SDK1: variants seen among roughly 807,000 people sequenced by gnomAD.
The protein encoded by SDK1 is protein sidekick-1.
In SDK1, 157 loss-of-function variants were observed where a neutral mutation model predicts 245.5. The observed-to-expected ratio is 0.64, with a 90% CI of 0.56 to 0.73. The LOEUF is 0.73. Among genes scored for constraint, SDK1 ranks in the 30% least tolerant of loss-of-function variants. The probability of loss-of-function intolerance (pLI) is 0.00; values close to 1 mark genes in which losing one functional copy is unlikely to be tolerated. For missense variants in SDK1, 3,583 were observed against 3,002.3 expected (o/e 1.19, Z -4.52); for synonymous variants, 1,647 against 1,278.5 (o/e 1.29, Z -6.15).
chr7:3,699,454 C>T (rs1784677886), intron 4 of SDK1, among the ~76,000 whole-genome samples: 1 of 152,106 alleles, frequency 6.6e-6, no homozygotes, highest in African/African-American at 2.4e-5. Flanking sequence ...TAATAGAGTA[C>T]TGAATGGAAA....
chr7:3,378,633 C>G (rs963194373), intron 1 of SDK1, among the ~76,000 whole-genome samples: 2 of 152,016 alleles, frequency 1.3e-5, no homozygotes, highest in Non-Finnish European at 2.9e-5. Flanking sequence ...CTCTTTCATG[C>G]TGTTTGTTTA....
chr7:3,617,705 C>G (rs967528333), intron 1 of SDK1, among the ~76,000 whole-genome samples: 3 of 152,146 alleles, frequency 2.0e-5, no homozygotes, highest in African/African-American at 7.2e-5. Context: ...CCAACTTACC[C>G]TTTTTATTAG....
intron 5 of SDK1, among the ~76,000 whole-genome samples, chr7:3,900,447 T>G (rs1240629718): frequency 6.6e-6 from 1 of 152,206 alleles, no homozygotes; most frequent in Non-Finnish European, 1.5e-5. Flanking sequence ...TTTTTCCTGT[T>G]TGGTGCTGAT....
At chr7:4,253,388 A>C (rs1196104622) in intron 44 of SDK1, among the ~76,000 whole-genome samples, 2 of 152,088 alleles carry the variant, frequency 1.3e-5, no homozygotes, top group African/African-American at 4.8e-5. Flanking sequence ...CTTCTTTGAC[A>C]CATTCGTTAT....
At chr7:4,077,581 A>G (rs1780775480) in intron 21 of SDK1, among the ~76,000 whole-genome samples, 2 of 152,210 alleles carry the variant, frequency 1.3e-5, no homozygotes, top group African/African-American at 2.4e-5. Context: ...TACAAAAGAA[A>G]CAGGTTTAAT....
intron 1 of SDK1, among the ~76,000 whole-genome samples, chr7:3,601,342 G>A (rs1387343301): frequency 6.6e-6 from 1 of 151,950 alleles, no homozygotes; most frequent in Non-Finnish European, 1.5e-5. Context: ...AAATCAACTG[G>A]GTCTGGAGAA....
intron 4 of SDK1, among the ~76,000 whole-genome samples, chr7:3,657,247 G>T (rs962556820): frequency 6.6e-6 from 1 of 152,190 alleles, no homozygotes; most frequent in Non-Finnish European, 1.5e-5. Context: ...GATCAAGGCA[G>T]TCGTACAAAG....
chr7:3,982,537 G>T (rs1783492084), intron 13 of SDK1, among the ~76,000 whole-genome samples: 1 of 152,216 alleles, frequency 6.6e-6, no homozygotes, highest in South Asian at 2.1e-4. Flanking sequence ...CACCATTCTA[G>T]ATACCATTAA....
rs2128207897 is a variant in SDK1, at chr7:4,149,272, A to AC, written c.4440dup (p.Arg1481GlnfsTer43). On this transcript the variant is annotated frameshift_variant, in exon 30 of 45. Transcript: ENST00000404826. LOFTEE classifies it high-confidence loss of function. ...CTCATTTGGTTGCAGAGCGGCCGGC[A>AC]CCCCCCAGAGAGCTCCTGGTGCCCC... is the stretch of plus-strand genomic sequence containing the variant. 2 of 1,525,762 alleles carry AC rather than the reference A, an allele frequency of 1.3e-6. No individual in the cohort carries two copies. Among genetic ancestry groups the AC allele is most frequent in the Middle Eastern group, 2.0e-4 (1 of 5,026 alleles). 94.5% of individuals were successfully genotyped at this position (1,525,762 alleles called of 1,614,324 possible).
At chr7:4,112,651 A>G (rs1475246242) in intron 23 of SDK1, among the ~76,000 whole-genome samples, 3 of 152,192 alleles carry the variant, frequency 2.0e-5, no homozygotes, top group Admixed American at 6.5e-5. Flanking sequence ...CACCCAATCC[A>G]TCCAACTAGA....
At chr7:4,169,296 A>C (rs1456612968) in intron 32 of SDK1, among the ~76,000 whole-genome samples, 1 of 152,062 alleles carries the variant, frequency 6.6e-6, no homozygotes, top group African/African-American at 2.4e-5. Flanking sequence ...GTGGGGAATG[A>C]CCCGGCACTT....
chr7:3,943,745 T>C (rs1448526287), intron 5 of SDK1, among the ~76,000 whole-genome samples: 1 of 152,156 alleles, frequency 6.6e-6, no homozygotes, highest in Non-Finnish European at 1.5e-5. Context: ...CTTGATATTC[T>C]TTAAATGTAC....
intron 1 of SDK1, among the ~76,000 whole-genome samples, chr7:3,325,780 C>T (rs1779926116): frequency 1.3e-5 from 2 of 152,236 alleles, no homozygotes; most frequent in South Asian, 4.1e-4. Flanking sequence ...ATCCTCAGTT[C>T]TGTTGAATTT....
Position 4,130,026 on chromosome 7 carries a change from T to G in SDK1, c.4058T>G (p.Val1353Gly). Residue 1353 changes from valine to glycine, a missense_variant, in exon 27 of 45, where the codon GTG becomes GGG. Coordinates refer to ENST00000404826, the MANE Select transcript of SDK1 (RefSeq NM_152744.4). Reference sequence around the variant, plus strand: ...AAGTTCGTGCTCTACGAGCTCCAGGTGCTGGCGTTCACCCGCATCGGGAAC... The same window carrying G: ...AAGTTCGTGCTCTACGAGCTCCAGGGGCTGGCGTTCACCCGCATCGGGAAC... ...LRKFVLYELQ[V>G]LAFTRIGNGV... 1 of 1,613,462 alleles carries G rather than the reference T, an allele frequency of 6.2e-7. No individual in the cohort carries two copies. The highest frequency in any genetic ancestry group is 1.1e-5 in the South Asian group (1 of 91,050).
At chr7:3,395,678 G>C (rs1434460899) in intron 1 of SDK1, among the ~76,000 whole-genome samples, 1 of 151,908 alleles carries the variant, frequency 6.6e-6, no homozygotes, top group Non-Finnish European at 1.5e-5. Flanking sequence ...TGTACTTGCT[G>C]TAGATGTATT....
Position 3,828,830 on chromosome 7 carries a change from C to CT in SDK1, c.847+7256dup, listed in dbSNP as rs549387789. Among the ~76,000 whole-genome samples the CT allele has an allele frequency of 2.3e-4, 35 of 149,864 alleles. 1 individual carries two copies. Among genetic ancestry groups the CT allele is most frequent in the East Asian group, 2.2e-3 (11 of 5,102 alleles). On this transcript the variant is annotated intron_variant, in intron 5 of 44. Transcript: ENST00000404826. ...CCATACCTGGCTAATTTTTTAATTTCTTTTTTTTTGTAGAGACAGTCTGGC... is the reference window on the plus strand; with the variant it reads ...CCATACCTGGCTAATTTTTTAATTTCTTTTTTTTTTGTAGAGACAGTCTGGC...
chr7:3,308,716 T>C (rs916288477), intron 1 of SDK1, among the ~76,000 whole-genome samples: 6 of 152,138 alleles, frequency 3.9e-5, no homozygotes, highest in African/African-American at 1.4e-4. Context: ...GGCTAGACCC[T>C]GGGGTCCATA....
At chr7:4,048,394 A>T in intron 17 of SDK1, among the ~76,000 whole-genome samples, 1 of 151,962 alleles carries the variant, frequency 6.6e-6, no homozygotes, top group Middle Eastern at 3.2e-3. Flanking sequence ...TCAGTTCCCC[A>T]TTGCCTTATG....
At chr7:3,679,187 T>G (rs1167557836) in intron 4 of SDK1, among the ~76,000 whole-genome samples, 2 of 152,186 alleles carry the variant, frequency 1.3e-5, no homozygotes, top group Non-Finnish European at 2.9e-5. Context: ...GGGAAAATAT[T>G]TGCCAGCCAC....
Sources: allele counts gnomAD v4.1 joint callset (sites outside exome capture counted in the v4.1 genomes callset), GRCh38; gene constraint gnomAD v4.1.1; transcripts MANE v1.5; gene names NCBI Gene and HGNC (gene_info 2026-07-23, HGNC 2026-07-21).